Variants in NEB observed in about 807,000 individuals in gnomAD.
NEB encodes nemaline myopathy type 2.
NEB carries 512 observed loss-of-function variants against 952.2 expected under a neutral mutation model. That is an observed-to-expected ratio of 0.54 (90% CI 0.50 to 0.58). The LOEUF is 0.58. Among genes scored for constraint, NEB ranks in the 20% least tolerant of loss-of-function variants. The probability of loss-of-function intolerance (pLI) is 0.00; values close to 1 mark genes in which losing one functional copy is unlikely to be tolerated. For missense variants in NEB, 8,428 were observed against 9,231.1 expected (o/e 0.91, Z 3.56); for synonymous variants, 2,900 against 3,149.8 (o/e 0.92, Z 2.66).
At chr2:151,545,033 A>C (rs1396897768) in intron 135 of NEB, among the ~76,000 whole-genome samples, 1 of 152,232 alleles carries the variant, frequency 6.6e-6, no homozygotes, top group Non-Finnish European at 1.5e-5. Flanking sequence ...ATGGGGTCCA[A>C]TCATCAAGGA....
chr2:151,629,680 G>C (rs182011930), intron 67 of NEB, 34 bp from the exon 68 acceptor site: 2 of 1,542,432 alleles, frequency 1.3e-6, no homozygotes, highest in Non-Finnish European at 1.8e-6. Context: ...TAAAGCAAAA[G>C]GTTTGACATC....
chr2:151,615,094 C>T (rs1479292788), intron 76 of NEB, among the ~76,000 whole-genome samples: 4 of 152,178 alleles, frequency 2.6e-5, no homozygotes, highest in African/African-American at 9.7e-5. Flanking sequence ...CTGTCAACAT[C>T]ACTGAACTTT....
Position 151,540,797 on chromosome 2 carries a change from A to T in NEB, c.20687T>A (p.Leu6896Gln). ...CTCTTTGGTGGCAAGTTCAACATAC[A>T]GATACTGAATAATAGAAGAAAGTGA... Reference protein sequence around the residue: ...KRGQKLQSQYLYVELATKERP... With the variant: ...KRGQKLQSQYQYVELATKERP... The change falls in exon 137 of 182, where the codon CTG (leucine) becomes CAG (glutamine). Residue 6896 changes from leucine (L) to glutamine (Q), a missense_variant. By Grantham distance (113) the Leu-to-Gln change is moderately radical. This residue lies in a region of NEB where 3,374 missense variants were observed against 3,651.5 expected (regional missense o/e 0.92). Transcript: ENST00000397345. 6.2e-7 allele frequency: 1 copy of T among 1,610,564 alleles called. No homozygotes were observed. Among genetic ancestry groups the T allele is most frequent in the Non-Finnish European group, 8.5e-7 (1 of 1,176,916 alleles).
At chr2:151,537,095 C>A in intron 141 of NEB, 37 bp downstream of exon 141, 1 of 1,328,990 alleles carries the variant, frequency 7.5e-7, no homozygotes, top group South Asian at 1.2e-5. Context: ...AGGTATATGT[C>A]GAATGGATGA....
rs1576526817 is a variant in NEB at position 151,692,359 on chromosome 2, A to G, written c.1900T>C (p.Leu634=). The G allele has an allele frequency of 1.3e-6, 2 of 1,596,020 alleles. No homozygotes were observed. Among genetic ancestry groups the G allele is most frequent in the Non-Finnish European group, 8.6e-7 (1 of 1,165,446 alleles). The change falls in exon 21 of 182, where the codon TTA becomes CTA. Residue 634 remains leucine (L), a synonymous_variant. Coordinates refer to ENST00000397345, the MANE Select transcript of NEB (RefSeq NM_001164508.2). ...GTCTTCTCATAGTTTTCCTTGTATA[A>G]TCTCTGTTAAAGGAAAAATAAATTA... is the stretch of plus-strand genomic sequence containing the variant. ...LKVAKNQSDR[L]YKENYEKTKA...
At chr2:151,616,917 T>C (rs1200007753) in intron 75 of NEB, among the ~76,000 whole-genome samples, 1 of 152,228 alleles carries the variant, frequency 6.6e-6, no homozygotes, top group Non-Finnish European at 1.5e-5. Flanking sequence ...TTCAGGATCA[T>C]TGCCCTTTTG....
chr2:151,641,577 C>T (rs1033026629), intron 60 of NEB, among the ~76,000 whole-genome samples: 5 of 152,136 alleles, frequency 3.3e-5, no homozygotes, highest in African/African-American at 4.8e-5. Context: ...GTGATCCTCC[C>T]GCCTTGACCT....
intron 173 of NEB, chr2:151,495,445 C>CTAA (rs2059559001): frequency 8.2e-6 from 1 of 122,270 alleles, no homozygotes; most frequent in Non-Finnish European, 1.8e-5. Flanking sequence ...GCACGTTATT[C>CTAA]TGATGCGTGC....
At chr2:151,709,286 C>T (rs931596181) in intron 12 of NEB, among the ~76,000 whole-genome samples, 3 of 152,188 alleles carry the variant, frequency 2.0e-5, no homozygotes, top group African/African-American at 7.2e-5. Context: ...AGATTACAAT[C>T]TTTCTCCTTC....
intron 154 of NEB, among the ~76,000 whole-genome samples, chr2:151,519,390 G>A (rs562505444): frequency 6.6e-6 from 1 of 152,300 alleles, no homozygotes; most frequent in East Asian, 1.9e-4. Flanking sequence ...GACAGATACT[G>A]TTTGATTCCA....
chr2:151,500,365 C>T (rs1425214244), intron 168 of NEB, among the ~76,000 whole-genome samples: 1 of 151,980 alleles, frequency 6.6e-6, no homozygotes, highest in Admixed American at 6.6e-5. Flanking sequence ...TTTGATTCTC[C>T]ATCACAGGTA....
chr2:151,508,954 A>T (rs1341538185), intron 161 of NEB, among the ~76,000 whole-genome samples: 1 of 152,164 alleles, frequency 6.6e-6, no homozygotes, highest in African/African-American at 2.4e-5. Flanking sequence ...ATCGCTTGTC[A>T]CTGTCCTTTC....
chr2:151,687,610 C>G lies in NEB; in HGVS notation c.2523+16G>C. 6.2e-7 allele frequency: 1 copy of G among 1,613,534 alleles called. No individual in the cohort carries two copies. The highest frequency in any genetic ancestry group is 2.2e-5 in the East Asian group (1 of 44,862). ...GCCACCCTGTCCAGGTCCCCAGGTC[C>G]CCAGGCCACACTCACATCGCTGGTG... On this transcript the variant is annotated intron_variant, in intron 26 of 181. Transcript: ENST00000397345.
Position 151,659,100 on chromosome 2 carries a change from TA to T in NEB, c.6039del (p.Ile2014PhefsTer10). 6.2e-7 allele frequency: 1 copy of T among 1,612,808 alleles called. No individual in the cohort carries two copies. Among genetic ancestry groups the T allele is most frequent in the Non-Finnish European group, 8.5e-7 (1 of 1,178,942 alleles). On this transcript the variant is annotated frameshift_variant, in exon 47 of 182. Coordinates refer to ENST00000397345, the MANE Select transcript of NEB (RefSeq NM_001164508.2). LOFTEE classifies it high-confidence loss of function. ...KVHIMPDIPQIILAKANAINM... is the reference protein window; with the variant it reads ...KVHIMPDIPQXILAKANAINM... ...TTAATTGCATTTGCCTTTGCCAAAA[TA>T]ATCTGGGGGATATCAGGCATGATGT...
At position 151,492,261 on chromosome 2, in the gene NEB, A is replaced by G. The variant is rs2057181814; in HGVS notation, c.24894T>C (p.Phe8298=). The change falls in exon 178 of 182, where the codon TTT becomes TTC. Residue 8298 remains phenylalanine (F), a synonymous_variant. Transcript: ENST00000397345. ...GTGTGAAGCAACCCTTGTGTTTCTC[A>G]AAGTCTTCATGATATTTCACCTGAA... ...HISTVKYHED[F]EKHKGCFTPV... is the part of the protein sequence containing the mutation. 1 of 1,613,046 alleles carries G rather than the reference A, an allele frequency of 6.2e-7. No homozygotes were observed. The highest frequency in any genetic ancestry group is 2.2e-5 in the East Asian group (1 of 44,860).
chr2:151,704,819 T>C (rs1474203279), intron 13 of NEB, among the ~76,000 whole-genome samples: 2 of 152,178 alleles, frequency 1.3e-5, no homozygotes, highest in Admixed American at 6.5e-5. Context: ...TCACCCGTCT[T>C]CTGCGTCGCT....
At chr2:151,664,961 T>C in intron 42 of NEB, 98 bp from the exon 43 acceptor site, 2 of 826,248 alleles carry the variant, frequency 2.4e-6, no homozygotes, top group African/African-American at 1.7e-5. Flanking sequence ...TAAAAGAGGT[T>C]AAATGGATAT....
At chr2:151,731,787 T>A (rs113163445) in intron 3 of NEB, among the ~76,000 whole-genome samples, 1 of 152,220 alleles carries the variant, frequency 6.6e-6, no homozygotes, top group Admixed American at 6.5e-5. Flanking sequence ...AAACTGTTAC[T>A]GGCATTATTA....
rs35016946 is a variant in NEB at position 151,665,390 on chromosome 2, G to A, written c.5181C>T (p.Tyr1727=). Reference sequence around the variant, plus strand: ...GTGCCTGTTCCATTGTGTCCATGGCGTAAGTGAACTTCAGCTTCTCGGGGT... The same window carrying A: ...GTGCCTGTTCCATTGTGTCCATGGCATAAGTGAACTTCAGCTTCTCGGGGT... The part of the protein sequence containing the change: ...RQHPEKLKFT[Y]AMDTMEQALN... Residue 1727 remains tyrosine, a synonymous_variant, in exon 42 of 182, where the codon TAC becomes TAT. Coordinates refer to ENST00000397345, the MANE Select transcript of NEB (RefSeq NM_001164508.2). 3.8e-4 allele frequency: 619 copies of A among 1,613,510 alleles called. No homozygotes were observed. Among genetic ancestry groups the A allele is most frequent in the Non-Finnish European group, 4.8e-4 (570 of 1,179,770 alleles).
Sources: gnomAD v4.1 joint callset for allele counts (sites outside exome capture counted in the v4.1 genomes callset) on GRCh38, gnomAD v4.1.1 for gene constraint, gnomAD v4.1.1 regional missense constraint, MANE v1.5 for transcripts, NCBI Gene and HGNC (gene_info 2026-07-23, HGNC 2026-07-21) for gene names.